The following CEP290 variants were observed in gnomAD, a reference collection of about 807,000 sequenced individuals.
CEP290 encodes centrosomal protein 290.
A neutral mutation model predicts 344.9 loss-of-function variants in CEP290; 317 were observed. The ratio of observed to expected loss-of-function variants is 0.92; its 90% CI spans 0.84 to 1.01. CEP290 has a LOEUF of 1.01. Among genes scored for constraint, CEP290 ranks in the 50% least tolerant of loss-of-function variants. The probability of loss-of-function intolerance (pLI) is 0.00; values close to 1 mark genes in which losing one functional copy is unlikely to be tolerated. For synonymous variants in CEP290, 932 were observed against 895.8 expected, an observed-to-expected ratio of 1.04 and a Z score of -0.72; for missense variants, 2,754 against 2,761.4, an observed-to-expected ratio of 1.00 and a Z score of 0.06.
In CEP290 at chr12:88,121,120, C is replaced by T. The variant is rs534187846; in HGVS notation, c.1236G>A (p.Thr412=). 15 of 1,613,346 alleles carry T rather than the reference C, an allele frequency of 9.3e-6. No individual in the cohort carries two copies. In the South Asian group the frequency reaches 1.1e-4, roughly 12 times the overall value. ...TAGTTTTCTCTTTTAAAATGTCTAA[C>T]GTTGACTGAATTTTCATATGAGTCT... ...SQQTHMKIQS[T]LDILKEKTKE... Residue 412 remains threonine, a synonymous_variant, in exon 14 of 54, where the codon ACG becomes ACA. Coordinates refer to ENST00000552810, the MANE Select transcript of CEP290 (RefSeq NM_025114.4).
At chr12:88,051,911 T>G (rs1311764210) in intron 52 of CEP290, 1 of 152,202 alleles carries the variant, frequency 6.6e-6, no homozygotes, top group East Asian at 1.9e-4. Flanking sequence ...AGACGTAGCA[T>G]AGCATAGCGG....
At chr12:88,083,825 A>G in intron 36 of CEP290, 22 bp downstream of exon 36, 1 of 1,420,532 alleles carries the variant, frequency 7.0e-7, no homozygotes. Context: ...TAAAGAATGG[A>G]ACAAAGTTCT....
rs764698078 is a variant in CEP290 at position 88,071,286 on chromosome 12, T to TA, written c.6011+7dup. The TA allele has an allele frequency of 6.3e-7, 1 of 1,594,660 alleles. No homozygotes were observed. Among genetic ancestry groups the TA allele is most frequent in the South Asian group, 1.1e-5 (1 of 88,314 alleles). Reference sequence around the variant, plus strand: ...CAATGGGTGGCACATTTCCACATAATAGCTTACCTCATATACAATATATCA... The same window carrying TA: ...CAATGGGTGGCACATTTCCACATAATAAGCTTACCTCATATACAATATATCA... On this transcript the variant is annotated splice_region_variant and intron_variant, in intron 43 of 53. Transcript: ENST00000552810.
chr12:88,068,111 T>TA (rs751890348), intron 44 of CEP290, among the ~76,000 whole-genome samples: 8 of 152,138 alleles, frequency 5.3e-5, no homozygotes, highest in East Asian at 1.9e-4. Context: ...ACTAAATATT[T>TA]AAAAAATCCA....
intron 30 of CEP290, among the ~76,000 whole-genome samples, 171 bp from the exon 31 acceptor site, chr12:88,089,658 G>GA (rs1460119444): frequency 3.4e-5 from 5 of 148,250 alleles, no homozygotes; most frequent in African/African-American, 1.2e-4. Flanking sequence ...AACTGTAAAA[G>GA]AAAAAACCTA....
At chr12:88,116,050 A>G in intron 18 of CEP290, 1 of 985,392 alleles carries the variant, frequency 1.0e-6, no homozygotes, top group Non-Finnish European at 1.2e-6. Flanking sequence ...TGTTGACAAA[A>G]TATTGCAGAT....
chr12:88,105,085 T>C (rs2038179842), intron 25 of CEP290, among the ~76,000 whole-genome samples: 1 of 152,190 alleles, frequency 6.6e-6, no homozygotes, highest in Non-Finnish European at 1.5e-5. Flanking sequence ...TCTAAATGCC[T>C]TCCCCACTAA....
In CEP290 at chr12:88,120,709, C is replaced by T. The variant is rs1003740535; in HGVS notation, c.1359+288G>A. Among the ~76,000 whole-genome samples, 10 of 152,262 alleles carry T rather than the reference C, an allele frequency of 6.6e-5. No individual in the cohort carries two copies. The South Asian group carries it at 8.3e-4, about 13-fold the overall frequency. On this transcript the variant is annotated intron_variant, in intron 14 of 53. Coordinates refer to ENST00000552810, the MANE Select transcript of CEP290 (RefSeq NM_025114.4). ...TCTGTCAAATTGGCCAGTGGTGTCACATCTACATGGTGGCCCAATGAACAC... is the reference window on the plus strand; with the variant it reads ...TCTGTCAAATTGGCCAGTGGTGTCATATCTACATGGTGGCCCAATGAACAC...
chr12:88,139,320 T>C (rs2040508891), intron 4 of CEP290, 129 bp from the exon 5 acceptor site: 1 of 517,934 alleles, frequency 1.9e-6, no homozygotes, highest in Non-Finnish European at 3.2e-6. Context: ...TAACAAAAAG[T>C]ATTATATGGC....
At chr12:88,088,800 G>A (rs1357713634) in intron 31 of CEP290, among the ~76,000 whole-genome samples, 17 of 152,126 alleles carry the variant, frequency 1.1e-4, no homozygotes, top group African/African-American at 4.1e-4. Context: ...TTCAAGGCCA[G>A]CCTGGGTGAC....
chr12:88,086,561 T>TTA, intron 32 of CEP290, 63 bp from the exon 33 acceptor site: 1 of 1,098,024 alleles, frequency 9.1e-7, no homozygotes, highest in African/African-American at 1.6e-5. Context: ...AACAGGCATT[T>TTA]TATATATATT....
At chr12:88,059,064 C>T (rs1388659574) in intron 48 of CEP290, 44 bp from the exon 49 acceptor site, 2 of 1,455,724 alleles carry the variant, frequency 1.4e-6, no homozygotes, top group Non-Finnish European at 1.9e-6. Flanking sequence ...AAACATAATA[C>T]TGTTCTCATA....
Position 88,092,829 on chromosome 12 carries a change from T to G in CEP290, c.3313A>C (p.Thr1105Pro), listed in dbSNP as rs772886007. 2 of 1,609,498 alleles carry G rather than the reference T, an allele frequency of 1.2e-6. No homozygotes were observed. The highest frequency in any genetic ancestry group is 1.3e-5 in the African/African-American group (1 of 74,890). ...FELETKFAEL[T>P]KINLDAQKVE... ...TTCTGTGCATCCAAATTGATTTTGG[T>G]AAGCTAAGGAAATGTAACAAAAAAT... Residue 1105 changes from threonine to proline, a missense_variant, in exon 29 of 54, where the codon ACC becomes CCC. Transcript: ENST00000552810.
chr12:88,061,978 C>T (rs570258812), intron 46 of CEP290, among the ~76,000 whole-genome samples: 11 of 152,194 alleles, frequency 7.2e-5, no homozygotes, highest in African/African-American at 2.6e-4. Flanking sequence ...GGGGTTTCAC[C>T]ATGTCGGCCA....
chr12:88,138,867 C>A (rs1225423806), intron 5 of CEP290, among the ~76,000 whole-genome samples: 1 of 152,108 alleles, frequency 6.6e-6, no homozygotes, highest in Non-Finnish European at 1.5e-5. Context: ...AAATCCCCAC[C>A]CACCCTCCAC....
rs1255698604 is a variant in CEP290 at position 88,096,872 on chromosome 12, G to A, written c.3103+16C>T. On this transcript the variant is annotated intron_variant, in intron 27 of 53. Transcript: ENST00000552810. ...AGATGTTAATCATTTTATATTATCA[G>A]AGTCATAAAACTTACCTAATTTAGT... 1 of 1,208,556 alleles carries A rather than the reference G, an allele frequency of 8.3e-7. No individual in the cohort carries two copies. Among genetic ancestry groups the A allele is most frequent in the Non-Finnish European group, 1.2e-6 (1 of 851,722 alleles). 74.9% of individuals were successfully genotyped at this position (1,208,556 alleles called of 1,614,324 possible). A position where few individuals can be genotyped will look rare whatever the true frequency, so the allele number is the denominator to read the frequency against.
intron 37 of CEP290, among the ~76,000 whole-genome samples, chr12:88,081,772 ATATAAGG>A (rs1478133306): frequency 3.1e-4 from 47 of 152,350 alleles, no homozygotes; most frequent in African/African-American, 1.1e-3. Flanking sequence ...AAAATGTATT[ATATAAGG>A]TATTTCAAAA....
intron 46 of CEP290, 128 bp downstream of exon 46, chr12:88,062,564 C>T (rs759434650): frequency 3.3e-6 from 2 of 611,284 alleles, no homozygotes; most frequent in Non-Finnish European, 5.8e-6. Flanking sequence ...ATTACAGATG[C>T]AGAATAAACA....
intron 40 of CEP290, 137 bp downstream of exon 40, chr12:88,077,557 CACA>C: frequency 1.5e-6 from 1 of 685,200 alleles, no homozygotes; most frequent in East Asian, 2.9e-5. Context: ...CAATAGAAGT[CACA>C]AAAGAAATTA....
Sources: allele counts gnomAD v4.1 joint callset (sites outside exome capture counted in the v4.1 genomes callset), GRCh38; gene constraint gnomAD v4.1.1; transcripts MANE v1.5; gene names NCBI Gene and HGNC (gene_info 2026-07-23, HGNC 2026-07-21).